The following LAMA3 variants were observed in gnomAD, a reference collection of about 807,000 sequenced individuals.
LAMA3 encodes the protein laminin subunit alpha 3.
LAMA3 carries 281 observed loss-of-function variants against 402.0 expected under a neutral mutation model. That is an observed-to-expected ratio of 0.70 (90% CI 0.63 to 0.77). The LOEUF is 0.77. LAMA3 is among the 30% of genes least tolerant of loss of function. LAMA3 has a pLI of 0.00. For missense variants in LAMA3, 3,840 were observed against 4,215.5 expected (o/e 0.91, Z 2.47); for synonymous variants, 1,431 against 1,558.4 (o/e 0.92, Z 1.93).
chr18:23,925,195 A>G (rs2081969478), intron 62 of LAMA3, among the ~76,000 whole-genome samples: 1 of 152,254 alleles, frequency 6.6e-6, no homozygotes, highest in Non-Finnish European at 1.5e-5. Flanking sequence ...CCTAACCTGG[A>G]GCAAGGCAAG....
Position 23,895,019 on chromosome 18 carries a change from G to A in LAMA3, c.5574G>A (p.Glu1858=), listed in dbSNP as rs1304240296. 8.1e-6 allele frequency: 13 copies of A among 1,610,812 alleles called. No individual in the cohort carries two copies. Among genetic ancestry groups the A allele is most frequent in the Non-Finnish European group, 1.1e-5 (13 of 1,178,564 alleles). ...QGLSASAGLL[E]QMRHMETQAK... Reference sequence around the variant, plus strand: ...TGAGTGCCAGCGCAGGGCTTCTGGAGCAGATGAGGCACATGGAGACCCAGG... The same window carrying A: ...TGAGTGCCAGCGCAGGGCTTCTGGAACAGATGAGGCACATGGAGACCCAGG... The change falls in exon 44 of 75, where the codon GAG becomes GAA. Residue 1858 remains glutamate, a synonymous_variant. Coordinates refer to ENST00000313654, the MANE Select transcript of LAMA3 (RefSeq NM_198129.4).
intron 12 of LAMA3, among the ~76,000 whole-genome samples, chr18:23,800,221 T>C (rs1182897315): frequency 6.6e-6 from 1 of 152,194 alleles, no homozygotes; most frequent in Non-Finnish European, 1.5e-5. Context: ...ATGATACAAC[T>C]ATCCTGTATA....
intron 68 of LAMA3, among the ~76,000 whole-genome samples, 160 bp downstream of exon 68, chr18:23,939,546 G>A (rs138349258): frequency 1.0e-3 from 158 of 151,892 alleles, no homozygotes; most frequent in African/African-American, 3.5e-3. Flanking sequence ...GACAGGGAGC[G>A]TGATTGCCTG....
intron 30 of LAMA3, among the ~76,000 whole-genome samples, chr18:23,845,947 A>T (rs567768415): frequency 1.3e-5 from 2 of 152,352 alleles, no homozygotes; most frequent in Admixed American, 1.3e-4. Flanking sequence ...TCATTTTATT[A>T]GTTGTATTAT....
At chr18:23,713,792 A>T in intron 1 of LAMA3, 128 bp from the exon 2 acceptor site, 2 of 778,626 alleles carry the variant, frequency 2.6e-6, no homozygotes, top group South Asian at 3.4e-5. Context: ...TTAACAGCTG[A>T]CTTCTCTAAG....
chr18:23,934,003 G>A, intron 67 of LAMA3, 68 bp downstream of exon 67: 1 of 1,505,030 alleles, frequency 6.6e-7, no homozygotes. Flanking sequence ...TGCCTTGTGG[G>A]AGATATTGGG....
intron 68 of LAMA3, among the ~76,000 whole-genome samples, chr18:23,942,087 A>G (rs957576425): frequency 1.3e-5 from 2 of 152,244 alleles, no homozygotes; most frequent in Admixed American, 1.3e-4. Flanking sequence ...GCCTCACAGA[A>G]TTAAAAAGCA....
chr18:23,833,347 G>A (rs144253557), intron 23 of LAMA3, among the ~76,000 whole-genome samples: 96 of 152,142 alleles, frequency 6.3e-4, no homozygotes, highest in African/African-American at 2.2e-3. Flanking sequence ...GGAGCGAGAT[G>A]TGTGTGTGTT....
intron 7 of LAMA3, among the ~76,000 whole-genome samples, chr18:23,759,461 A>C (rs1478309275): frequency 6.6e-6 from 1 of 152,150 alleles, no homozygotes; most frequent in Non-Finnish European, 1.5e-5. Context: ...TGCAGAAAAC[A>C]TTTCATTCAC....
chr18:23,701,942 C>T (rs542953959), intron 1 of LAMA3, among the ~76,000 whole-genome samples: 12 of 152,044 alleles, frequency 7.9e-5, no homozygotes, highest in South Asian at 2.1e-4. Context: ...GGGAAAAGTG[C>T]GAGGTTGTTT....
At position 23,954,614 on chromosome 18, in the gene LAMA3, G is replaced by C. The variant is rs759510769; in HGVS notation, c.9968G>C (p.Gly3323Ala). The change falls in exon 75 of 75, where the codon GGG becomes GCG. Residue 3323 changes from glycine to alanine, a missense_variant. Gly to Ala is a moderately conservative substitution (Grantham distance 60). Around this residue, in one of 3 missense-constraint regions of LAMA3, gnomAD observed 840 missense variants for 981.9 expected, o/e 0.86. Transcript: ENST00000313654. ...GTCACTGAAGCCTTGGAAGTCCAGGGGCCTGTCAGTCTGAATGGTTGTCCT... is the reference window on the plus strand; with the variant it reads ...GTCACTGAAGCCTTGGAAGTCCAGGCGCCTGTCAGTCTGAATGGTTGTCCT... ...VPVTEALEVQ[G>A]PVSLNGCPDQ The C allele has an allele frequency of 6.2e-7, 1 of 1,613,860 alleles. No individual in the cohort carries two copies. Among genetic ancestry groups the C allele is most frequent in the Admixed American group, 1.7e-5 (1 of 59,990 alleles).
chr18:23,846,948 T>C (rs1288844957), intron 31 of LAMA3, among the ~76,000 whole-genome samples: 1 of 152,160 alleles, frequency 6.6e-6, no homozygotes, highest in Non-Finnish European at 1.5e-5. Context: ...TGAGAACCCA[T>C]GGGACCTTTA....
intron 12 of LAMA3, among the ~76,000 whole-genome samples, chr18:23,795,862 T>C (rs2062753499): frequency 6.6e-6 from 1 of 152,140 alleles, no homozygotes; most frequent in African/African-American, 2.4e-5. Context: ...AATTCATATG[T>C]TGAAGCCCTA....
chr18:23,853,137 CT>C (rs1302626275), intron 32 of LAMA3, among the ~76,000 whole-genome samples: 7 of 152,116 alleles, frequency 4.6e-5, no homozygotes, highest in Non-Finnish European at 8.8e-5. Context: ...CCCATGTCCC[CT>C]AACAAAGGAA....
chr18:23,810,103 C>T lies in LAMA3; in HGVS notation c.1604-263C>T, dbSNP rs2063038549. On this transcript the variant is annotated intron_variant, in intron 12 of 74. Coordinates refer to ENST00000313654, the MANE Select transcript of LAMA3 (RefSeq NM_198129.4). Reference sequence around the variant, plus strand: ...GTGCTCGCTATGATAGGCATTGTCCCAAGCTCTTTTAAGTATTATCTTATG... The same window carrying T: ...GTGCTCGCTATGATAGGCATTGTCCTAAGCTCTTTTAAGTATTATCTTATG... 2.0e-5 allele frequency among the ~76,000 whole-genome samples: 3 copies of T among 152,176 alleles called. No homozygotes were observed. In the South Asian group the frequency reaches 6.2e-4, roughly 32 times the overall value.
rs78111481 is a variant in LAMA3 at position 23,777,748 on chromosome 18, G to T, written c.1468+129G>T. The T allele has an allele frequency of 1.3e-3, 963 of 758,848 alleles. 7 individuals carry two copies. In the African/African-American group the frequency reaches 0.014, roughly 11 times the overall value. The allele number at this position is 758,848 out of a possible 1,614,324, so 47.0% of individuals were successfully genotyped here. On this transcript the variant is annotated intron_variant, in intron 11 of 74. Transcript: ENST00000313654. Reference sequence around the variant, plus strand: ...CTAGAGCATGGTAGGTGCCTTGCAGGTGTCTCCTAGTTGACCTACTCCCCA... The same window carrying T: ...CTAGAGCATGGTAGGTGCCTTGCAGTTGTCTCCTAGTTGACCTACTCCCCA...
At chr18:23,775,547 T>C (rs1009235364) in intron 9 of LAMA3, among the ~76,000 whole-genome samples, 24 of 149,144 alleles carry the variant, frequency 1.6e-4, no homozygotes, top group African/African-American at 5.0e-4. Context: ...CAATGCTCAG[T>C]GGGATAAATG....
intron 62 of LAMA3, 59 bp from the exon 63 acceptor site, chr18:23,928,064 C>A: frequency 1.6e-6 from 2 of 1,212,928 alleles, no homozygotes; most frequent in African/African-American, 1.5e-5. Flanking sequence ...CGTTTCAGCT[C>A]TGATTTCACG....
intron 3 of LAMA3, among the ~76,000 whole-genome samples, chr18:23,748,601 C>T (rs765571627): frequency 6.6e-6 from 1 of 151,666 alleles, no homozygotes; most frequent in Admixed American, 6.6e-5. Context: ...TTGAGACCAG[C>T]CTGGCTAACA....
Sources: allele counts gnomAD v4.1 joint callset (sites outside exome capture counted in the v4.1 genomes callset), GRCh38; gene constraint gnomAD v4.1.1; regional missense constraint gnomAD v4.1.1; transcripts MANE v1.5; gene names NCBI Gene and HGNC (gene_info 2026-07-23, HGNC 2026-07-21).